The following MCUB variants were observed in gnomAD, a reference collection of about 807,000 sequenced individuals.
MCUB encodes calcium uniporter regulatory subunit MCUb, mitochondrial.
A neutral mutation model predicts 41.4 loss-of-function variants in MCUB; 46 were observed. That is an observed-to-expected ratio of 1.11 (90% CI 0.88 to 1.42). MCUB has a LOEUF of 1.42. Among genes scored for constraint, MCUB ranks in the 40% most tolerant of loss-of-function variants. MCUB has a pLI of 0.00. For missense variants in MCUB, 403 were observed against 404.9 expected (o/e 1.00, Z 0.04); for synonymous variants, 148 against 148.2 (o/e 1.00, Z 0.01).
rs1729789925 is a variant in MCUB at position 109,684,473 on chromosome 4, G to T, written c.643G>T (p.Ala215Ser). 1.9e-6 allele frequency: 3 copies of T among 1,612,774 alleles called. No individual in the cohort carries two copies. The highest frequency in any genetic ancestry group is 2.7e-5 in the African/African-American group (2 of 74,860). The part of the protein sequence containing the change: ...VKAGIEAHSE[A>S]KTSGLLWAGL... ...AGCTGGAATAGAAGCTCATTCGGAA[G>T]CCAAAACCAGTGGACTCCTGTGGGC... is the stretch of plus-strand genomic sequence containing the variant. The change falls in exon 6 of 8, where the codon GCC becomes TCC. Residue 215 changes from alanine (A) to serine (S), a missense_variant. Ala to Ser is a moderately conservative substitution (Grantham distance 99, BLOSUM62 1). Transcript: ENST00000394650.
At chr4:109,618,088 C>T (rs1219611497) in intron 1 of MCUB, among the ~76,000 whole-genome samples, 1 of 152,200 alleles carries the variant, frequency 6.6e-6, no homozygotes, top group Non-Finnish European at 1.5e-5. Flanking sequence ...GGTGTTTCAT[C>T]TCAAACCCAA....
At position 109,579,190 on chromosome 4, in the gene MCUB, T is replaced by C. The variant is rs947508819; in HGVS notation, c.99+18754T>C. ...TGGTTGTGGATTTGAAACTCAGAAG[T>C]GTATGGGTTGATTTCTTTTTCCTCC... On this transcript the variant is annotated intron_variant, in intron 1 of 7. Coordinates refer to ENST00000394650, the MANE Select transcript of MCUB (RefSeq NM_017918.5). Among the ~76,000 whole-genome samples the C allele has an allele frequency of 2.0e-5, 3 of 152,212 alleles. No individual in the cohort carries two copies. The South Asian group carries it at 6.2e-4, about 32-fold the overall frequency.
At chr4:109,561,890 C>A (rs888588142) in intron 1 of MCUB, among the ~76,000 whole-genome samples, 4 of 151,912 alleles carry the variant, frequency 2.6e-5, no homozygotes, top group Admixed American at 2.0e-4. Context: ...ATAGGATGAC[C>A]GGCGCGCGCC....
In MCUB at chr4:109,602,217, C is replaced by T. The variant is rs574227103; in HGVS notation, c.99+41781C>T. On this transcript the variant is annotated intron_variant, in intron 1 of 7. Transcript: ENST00000394650. ...TCTTTGCTGTGCAGAAGATTTTTAA[C>T]TTGATGTGAGTCCATTTGTCCATTT... 7.6e-4 allele frequency among the ~76,000 whole-genome samples: 115 copies of T among 152,256 alleles called. 1 individual carries two copies. The highest frequency in any genetic ancestry group is 2.6e-3 in the African/African-American group (110 of 41,550).
chr4:109,621,708 G>A (rs1021819211), intron 1 of MCUB, among the ~76,000 whole-genome samples: 3 of 152,094 alleles, frequency 2.0e-5, no homozygotes, highest in Admixed American at 2.0e-4. Flanking sequence ...ATTAAATAGA[G>A]CATTATTATT....
chr4:109,587,443 G>C (rs971555006), intron 1 of MCUB, among the ~76,000 whole-genome samples: 2 of 152,178 alleles, frequency 1.3e-5, no homozygotes, highest in Non-Finnish European at 2.9e-5. Flanking sequence ...GCCCTGATTC[G>C]GCTTGGCCTC....
chr4:109,602,836 T>G (rs1727773830), intron 1 of MCUB, among the ~76,000 whole-genome samples: 1 of 152,234 alleles, frequency 6.6e-6, no homozygotes, highest in Non-Finnish European at 1.5e-5. Context: ...TTCTAATCGA[T>G]GAACATGGAA....
In MCUB at chr4:109,630,032, C is replaced by T. The variant is rs78510835; in HGVS notation, c.100-28979C>T. Among the ~76,000 whole-genome samples the T allele has an allele frequency of 9.2e-3, 1,403 of 152,258 alleles. 13 individuals carry two copies. Among genetic ancestry groups the T allele is most frequent in the Middle Eastern group, 0.014 (4 of 294 alleles). On this transcript the variant is annotated intron_variant, in intron 1 of 7. Coordinates refer to ENST00000394650, the MANE Select transcript of MCUB (RefSeq NM_017918.5). ...TGGCAGCTATCGGTCAACACATTAG[C>T]ATATAAAAGACACTTACCACTTTGA...
At chr4:109,588,749 G>T (rs1354909159) in intron 1 of MCUB, among the ~76,000 whole-genome samples, 1 of 152,088 alleles carries the variant, frequency 6.6e-6, no homozygotes, top group Non-Finnish European at 1.5e-5. Flanking sequence ...TCCCTGTCAT[G>T]TGTATCAAGA....
intron 1 of MCUB, among the ~76,000 whole-genome samples, chr4:109,568,952 GC>G: frequency 6.6e-6 from 1 of 152,326 alleles, no homozygotes; most frequent in East Asian, 1.9e-4. Flanking sequence ...AAAACCTGAA[GC>G]ATTCTTGTCT....
At chr4:109,664,028 A>G (rs1034991943) in intron 3 of MCUB, among the ~76,000 whole-genome samples, 1 of 152,216 alleles carries the variant, frequency 6.6e-6, no homozygotes, top group Non-Finnish European at 1.5e-5. Context: ...CACCAAGGGC[A>G]CTACCTGGAT....
intron 7 of MCUB, among the ~76,000 whole-genome samples, chr4:109,686,369 C>T (rs1477585316): frequency 6.6e-6 from 1 of 152,174 alleles, no homozygotes; most frequent in East Asian, 1.9e-4. Context: ...AAACTCCTAA[C>T]CTCAAGTGAT....
intron 1 of MCUB, among the ~76,000 whole-genome samples, chr4:109,633,311 G>A (rs747582120): frequency 1.3e-4 from 20 of 151,500 alleles, no homozygotes; most frequent in East Asian, 5.8e-4. Context: ...TCTGTCGCCC[G>A]GGCTGGAGTG....
chr4:109,645,613 C>T (rs973182151), intron 1 of MCUB, among the ~76,000 whole-genome samples: 3 of 152,132 alleles, frequency 2.0e-5, no homozygotes, highest in African/African-American at 7.2e-5. Context: ...CTATTTCAGA[C>T]ATTCTGAACC....
intron 1 of MCUB, among the ~76,000 whole-genome samples, chr4:109,638,249 A>T (rs1728637558): frequency 6.6e-6 from 1 of 152,172 alleles, no homozygotes; most frequent in East Asian, 1.9e-4. Context: ...CCCAATTACT[A>T]GGGAGGCTGA....
chr4:109,666,442 C>T (rs114430079), intron 4 of MCUB, among the ~76,000 whole-genome samples: 2 of 152,302 alleles, frequency 1.3e-5, no homozygotes, highest in Admixed American at 1.3e-4. Context: ...CCTGTTGCCC[C>T]ATATCCTTGC....
intron 1 of MCUB, among the ~76,000 whole-genome samples, chr4:109,634,656 C>T (rs963811238): frequency 3.9e-5 from 6 of 151,962 alleles, no homozygotes; most frequent in Non-Finnish European, 8.8e-5. Flanking sequence ...TTTTGCTTAA[C>T]TTTGTGAGAT....
At chr4:109,636,959 A>C (rs1244400081) in intron 1 of MCUB, among the ~76,000 whole-genome samples, 1 of 152,250 alleles carries the variant, frequency 6.6e-6, no homozygotes, top group Non-Finnish European at 1.5e-5. Context: ...GCCTTCTGAG[A>C]GTAATTTTAG....
intron 4 of MCUB, among the ~76,000 whole-genome samples, chr4:109,670,035 C>A (rs1355771729): frequency 6.6e-6 from 1 of 152,226 alleles, no homozygotes; most frequent in Non-Finnish European, 1.5e-5. Flanking sequence ...GATGCTTATT[C>A]TGTCTGTTCA....
Sources: gnomAD v4.1 joint callset for allele counts (sites outside exome capture counted in the v4.1 genomes callset) on GRCh38, gnomAD v4.1.1 for gene constraint, MANE v1.5 for transcripts, NCBI Gene and HGNC (gene_info 2026-07-23, HGNC 2026-07-21) for gene names.